PARPBP: variants seen among roughly 807,000 people sequenced by gnomAD.
PARPBP encodes the protein PCNA-interacting partner.
Under a neutral mutation model 50.0 loss-of-function variants are expected in PARPBP, and 52 were observed. That is an observed-to-expected ratio of 1.04 (90% CI 0.83 to 1.31). The LOEUF is 1.31. Ranked by LOEUF, PARPBP falls within the 50% of genes most tolerant of loss-of-function variation. The pLI, the probability that PARPBP is intolerant of heterozygous loss-of-function variation, is 0.00. For synonymous variants in PARPBP, 244 were observed against 232.1 expected (o/e 1.05, Z -0.47); for missense variants, 697 against 672.0 (o/e 1.04, Z -0.41).
chr12:102,183,863 T>C (rs1000904731), intron 9 of PARPBP, among the ~76,000 whole-genome samples: 2 of 151,634 alleles, frequency 1.3e-5, no homozygotes, highest in African/African-American at 2.4e-5. Flanking sequence ...TCACTTGAGG[T>C]CAGAAGTTCG....
chr12:102,162,188 T>G (rs1887674592), intron 4 of PARPBP, among the ~76,000 whole-genome samples: 1 of 152,206 alleles, frequency 6.6e-6, no homozygotes, highest in Non-Finnish European at 1.5e-5. Flanking sequence ...TATTGCTGCC[T>G]TTTTTAGTTT....
At chr12:102,134,117 A>G (rs1278497943) in intron 2 of PARPBP, among the ~76,000 whole-genome samples, 1 of 151,820 alleles carries the variant, frequency 6.6e-6, no homozygotes, top group Non-Finnish European at 1.5e-5. Context: ...TGAGAGCAGA[A>G]ATAAATGAAA....
intron 1 of PARPBP, among the ~76,000 whole-genome samples, chr12:102,120,745 G>A (rs972543550): frequency 6.6e-6 from 1 of 152,208 alleles, no homozygotes; most frequent in Admixed American, 6.5e-5. Context: ...GGTGGGTTAT[G>A]TACTTGTTTC....
intron 4 of PARPBP, among the ~76,000 whole-genome samples, chr12:102,157,890 G>A (rs1389261051): frequency 1.3e-5 from 2 of 152,016 alleles, no homozygotes; most frequent in Non-Finnish European, 2.9e-5. Flanking sequence ...GGAGGCTGAG[G>A]CGAGTGGATC....
chr12:102,121,456 A>T (rs75077993), intron 1 of PARPBP, among the ~76,000 whole-genome samples: 4,286 of 151,710 alleles, frequency 0.028, 177 homozygotes, highest in African/African-American at 0.087. Context: ...GTAGTTGTGC[A>T]TGCCTCAAAT....
At chr12:102,158,465 C>CT (rs1299721427) in intron 4 of PARPBP, among the ~76,000 whole-genome samples, 1 of 152,126 alleles carries the variant, frequency 6.6e-6, no homozygotes, top group East Asian at 1.9e-4. Context: ...GTTTTTGTGT[C>CT]TTTTTTACAT....
chr12:102,138,785 A>T (rs1884080190), intron 2 of PARPBP, among the ~76,000 whole-genome samples: 1 of 152,188 alleles, frequency 6.6e-6, no homozygotes, highest in South Asian at 2.1e-4. Flanking sequence ...TTTGTCAAAG[A>T]TCAGATGGTT....
Position 102,197,271 on chromosome 12 carries a change from G to T in PARPBP, c.*980G>T. ...TTGTTGATCAATTCAAAGTTACTCT[G>T]CACTGTTTTTGACTTTTTAAAAATA... On this transcript the variant is annotated 3_prime_UTR_variant, in exon 11 of 11. Coordinates refer to ENST00000327680, the MANE Select transcript of PARPBP (RefSeq NM_017915.5). The T allele has an allele frequency of 4.8e-6, 5 of 1,045,094 alleles. No homozygotes were observed. The highest frequency in any genetic ancestry group is 6.9e-6 in the Non-Finnish European group (5 of 721,870). The allele number at this position is 1,045,094 out of a possible 1,614,324, so 64.7% of individuals were successfully genotyped here.
intron 2 of PARPBP, among the ~76,000 whole-genome samples, chr12:102,137,502 A>C (rs1044369803): frequency 6.9e-6 from 1 of 145,160 alleles, no homozygotes; most frequent in Non-Finnish European, 1.5e-5. Context: ...TCTAGCAGTT[A>C]TATACTGCTA....
chr12:102,197,450 T>C lies in PARPBP; in HGVS notation c.*1159T>C, dbSNP rs1256359475. The C allele has an allele frequency of 1.5e-5, 21 of 1,361,208 alleles. 1 individual carries two copies. Among genetic ancestry groups the C allele is most frequent in the Middle Eastern group, 2.6e-4 (1 of 3,916 alleles). The allele number at this position is 1,361,208 out of a possible 1,614,324, so 84.3% of individuals were successfully genotyped here. A position where few individuals can be genotyped will look rare whatever the true frequency, so the allele number is the denominator to read the frequency against. On this transcript the variant is annotated 3_prime_UTR_variant, in exon 11 of 11. Coordinates refer to ENST00000327680, the MANE Select transcript of PARPBP (RefSeq NM_017915.5). ...CTTCTGTTTATAAAAGTATCAGTTT[T>C]ACTTTTCAGAGGATTTGTAAGAATC...
At chr12:102,140,535 G>A (rs1255013629) in intron 2 of PARPBP, among the ~76,000 whole-genome samples, 3 of 152,070 alleles carry the variant, frequency 2.0e-5, no homozygotes, top group Non-Finnish European at 4.4e-5. Context: ...GCTTTTGAAT[G>A]TGTTTGCTCT....
chr12:102,190,601 G>A (rs2137330179), intron 9 of PARPBP, among the ~76,000 whole-genome samples: 1 of 152,206 alleles, frequency 6.6e-6, no homozygotes, highest in Admixed American at 6.5e-5. Flanking sequence ...CCAGCCCAGT[G>A]CCCAGGGGTC....
At chr12:102,148,199 T>TTA (rs1885674073) in intron 2 of PARPBP, 31 bp from the exon 3 acceptor site, 1 of 203,000 alleles carries the variant, frequency 4.9e-6, no homozygotes, top group African/African-American at 3.0e-5. Context: ...CCCAACTTTA[T>TTA]TTTTTTTTTT....
chr12:102,125,524 G>T (rs1457942967), intron 2 of PARPBP, among the ~76,000 whole-genome samples: 1 of 152,170 alleles, frequency 6.6e-6, no homozygotes, highest in Admixed American at 6.5e-5. Context: ...GGAGGAGCAG[G>T]TGTAGTGGCC....
At chr12:102,143,776 T>A (rs1884989293) in intron 2 of PARPBP, among the ~76,000 whole-genome samples, 1 of 151,518 alleles carries the variant, frequency 6.6e-6, no homozygotes, top group African/African-American at 2.4e-5. Context: ...TAATAGAGGC[T>A]ATTTTTTTTT....
chr12:102,178,479 T>TTA, intron 7 of PARPBP, 113 bp from the exon 8 acceptor site: 1 of 564,190 alleles, frequency 1.8e-6, no homozygotes. Flanking sequence ...AGCTGATGTT[T>TTA]TATTACTTTA....
chr12:102,148,257 A>G lies in PARPBP; in HGVS notation c.181A>G (p.Ser61Gly), dbSNP rs1257897985. The G allele has an allele frequency of 1.3e-6, 2 of 1,587,202 alleles. No homozygotes were observed. Among genetic ancestry groups the G allele is most frequent in the Admixed American group, 3.4e-5 (2 of 59,052 alleles). ...CAGTGGAGAATTTACAGTCTCTCTC[A>G]GTGATGTTTTATTGACATGGAAATA... is the stretch of plus-strand genomic sequence containing the variant. ...QHSGEFTVSLSDVLLTWKYLL... is the reference protein window; with the variant it reads ...QHSGEFTVSLGDVLLTWKYLL... The change falls in exon 3 of 11, where the codon AGT becomes GGT. Residue 61 changes from serine to glycine, a missense_variant. Transcript: ENST00000327680.
intron 1 of PARPBP, among the ~76,000 whole-genome samples, chr12:102,120,687 T>C (rs997758202): frequency 6.6e-6 from 1 of 152,180 alleles, no homozygotes; most frequent in South Asian, 2.1e-4. Flanking sequence ...CTGATAATGA[T>C]GTTGAGTGCA....
chr12:102,186,481 G>T (rs1268094543), intron 9 of PARPBP, among the ~76,000 whole-genome samples: 2 of 151,788 alleles, frequency 1.3e-5, no homozygotes, highest in Non-Finnish European at 2.9e-5. Flanking sequence ...TCTTAGTACT[G>T]TTTTTGCTGT....
Sources: allele counts gnomAD v4.1 joint callset (sites outside exome capture counted in the v4.1 genomes callset), GRCh38; gene constraint gnomAD v4.1.1; transcripts MANE v1.5; gene names NCBI Gene and HGNC (gene_info 2026-07-23, HGNC 2026-07-21).